Variants in KDR observed in about 807,000 individuals in gnomAD.
KDR encodes vascular endothelial growth factor receptor 2.
In KDR, 43 loss-of-function variants were observed where a neutral mutation model predicts 160.9. That is an observed-to-expected ratio of 0.27 (90% confidence interval 0.21 to 0.34). The LOEUF is 0.34. KDR is among the 10% of genes least tolerant of loss of function. The probability of loss-of-function intolerance (pLI) is 1.00; values close to 1 mark genes in which losing one functional copy is unlikely to be tolerated. For missense variants in KDR, 1,469 were observed against 1,666.4 expected (o/e 0.88, Z 2.06); for synonymous variants, 617 against 600.1 (o/e 1.03, Z -0.41).
At chr4:55,123,177 G>C (rs1465571793) in intron 1 of KDR, among the ~76,000 whole-genome samples, 1 of 152,106 alleles carries the variant, frequency 6.6e-6, no homozygotes, top group Non-Finnish European at 1.5e-5. Context: ...CTTTGTCTAA[G>C]AAAAGGAAAA....
chr4:55,098,894 C>A, intron 15 of KDR, 91 bp from the exon 16 acceptor site: 1 of 899,994 alleles, frequency 1.1e-6, no homozygotes, highest in Non-Finnish European at 1.8e-6. Context: ...AGCAAAATCC[C>A]AAGCTTACCA....
chr4:55,113,908 A>G (rs943339072), intron 6 of KDR, among the ~76,000 whole-genome samples: 9 of 152,232 alleles, frequency 5.9e-5, no homozygotes, highest in African/African-American at 2.2e-4. Flanking sequence ...GCAGAATAGG[A>G]CAAAATTCCT....
Position 55,098,757 on chromosome 4 carries a change from C to A in KDR, c.2313G>T (p.Thr771=), listed in dbSNP as rs376263503. ...GCCAGAAGAACATGGCAATCACCGC[C>A]GTGCCTACTAGAATAATGATTTCCA... ...TNLEIIILVG[T]AVIAMFFWLL... is the part of the protein sequence containing the mutation. Residue 771 remains threonine (T), a synonymous_variant, in exon 16 of 30, where the codon ACG becomes ACT. Coordinates refer to ENST00000263923, the MANE Select transcript of KDR (RefSeq NM_002253.4). 6 of 1,613,210 alleles carry A rather than the reference C, an allele frequency of 3.7e-6. No homozygotes were observed. Among genetic ancestry groups the A allele is most frequent in the African/African-American group, 1.3e-5 (1 of 74,838 alleles).
Position 55,113,439 on chromosome 4 carries a change from A to T in KDR, c.841T>A (p.Ser281Thr), listed in dbSNP as rs1720647939. 6.2e-7 allele frequency: 1 copy of T among 1,613,830 alleles called. No homozygotes were observed. The change falls in exon 7 of 30, where the codon TCT becomes ACT. Residue 281 changes from serine (S) to threonine (T), a missense_variant. Physicochemically the swap from Ser to Thr is moderately conservative, Grantham distance 58 (BLOSUM62 1). Coordinates refer to ENST00000263923, the MANE Select transcript of KDR (RefSeq NM_002253.4). ...AAAAATTTCTTCATCTCACTCCCAG[A>T]CTGGGTTTTTAGGTCTCGGTTTACA... is the stretch of plus-strand genomic sequence containing the variant. ...KLVNRDLKTQ[S>T]GSEMKKFLST...
chr4:55,115,507 G>C (rs962790799), intron 3 of KDR, 96 bp from the exon 4 acceptor site: 1 of 712,024 alleles, frequency 1.4e-6, no homozygotes, highest in African/African-American at 1.8e-5. Context: ...ACAAGTGAAT[G>C]ACTGGAAGGG....
Position 55,081,951 on chromosome 4 carries a change from C to T in KDR, c.3848+5G>A, listed in dbSNP as rs748929903. On this transcript the variant is annotated splice_donor_5th_base_variant and intron_variant, in intron 29 of 29. Transcript: ENST00000263923. ...ATTTGTCTTTTTAATATGGCTGAGT[C>T]TTACCCAAAAGATGGAGATAATTTG... The T allele has an allele frequency of 1.2e-6, 2 of 1,603,338 alleles. No homozygotes were observed. The highest frequency in any genetic ancestry group is 1.7e-6 in the Non-Finnish European group (2 of 1,170,204).
rs143264041 is a variant in KDR at position 55,102,046 on chromosome 4, C to T, written c.2135-18G>A. The T allele has an allele frequency of 7.1e-5, 115 of 1,613,330 alleles. 1 individual carries two copies. The East Asian group carries it at 1.0e-3, about 15-fold the overall frequency. ...TACAATGCCTAACAGAGGAAGAAAACGATCATTCTCATTTATGATGATGTA... is the reference window on the plus strand; with the variant it reads ...TACAATGCCTAACAGAGGAAGAAAATGATCATTCTCATTTATGATGATGTA... On this transcript the variant is annotated intron_variant, in intron 14 of 29. Coordinates refer to ENST00000263923, the MANE Select transcript of KDR (RefSeq NM_002253.4).
intron 18 of KDR, 83 bp downstream of exon 18, chr4:55,097,579 C>CA: frequency 1.1e-6 from 1 of 932,644 alleles, no homozygotes; most frequent in East Asian, 2.4e-5. Flanking sequence ...CACATAAGCA[C>CA]AAAGCTACTG....
At chr4:55,102,771 T>C (rs1720346786) in intron 13 of KDR, among the ~76,000 whole-genome samples, 1 of 152,158 alleles carries the variant, frequency 6.6e-6, no homozygotes, top group Non-Finnish European at 1.5e-5. Context: ...GGGTCACCTT[T>C]ATGGATTTTT....
intron 7 of KDR, among the ~76,000 whole-genome samples, chr4:55,112,240 C>T (rs1021857266): frequency 2.0e-5 from 3 of 152,068 alleles, no homozygotes; most frequent in Admixed American, 6.6e-5. Flanking sequence ...ACAGCAAAAC[C>T]ACCCCCTCCT....
intron 26 of KDR, among the ~76,000 whole-genome samples, chr4:55,088,466 G>A (rs1015669996): frequency 3.3e-5 from 5 of 152,162 alleles, no homozygotes; most frequent in Admixed American, 6.5e-5. Flanking sequence ...AAGAACCTGG[G>A]ATGATACCAA....
At chr4:55,087,881 T>C (rs7682740) in intron 26 of KDR, 123 bp from the exon 27 acceptor site, 100 of 877,860 alleles carry the variant, frequency 1.1e-4, no homozygotes, top group East Asian at 2.7e-4. Flanking sequence ...TATCTGAACA[T>C]AGAACTTTAA....
In KDR at chr4:55,080,002, C is replaced by G; in HGVS notation, c.4010G>C (p.Gly1337Ala). The part of the protein sequence containing the change: ...LKLIEIGVQT[G>A]STAQILQPDS... ...AGGCTGGAGAATCTGGGCTGTGCTA[C>G]CGGTTTGCACTCCAATCTCTATCAG... The change falls in exon 30 of 30, where the codon GGT becomes GCT. Residue 1337 changes from glycine to alanine, a missense_variant. Gly to Ala is a moderately conservative substitution (Grantham distance 60). Around this residue, in one of 7 missense-constraint regions of KDR, gnomAD observed 229 missense variants for 197.8 expected, o/e 1.16. Coordinates refer to ENST00000263923, the MANE Select transcript of KDR (RefSeq NM_002253.4). 6.2e-7 allele frequency: 1 copy of G among 1,614,160 alleles called. No homozygotes were observed.
intron 4 of KDR, 53 bp from the exon 5 acceptor site, chr4:55,115,095 C>T (rs1057317670): frequency 2.1e-6 from 3 of 1,458,040 alleles, no homozygotes; most frequent in Non-Finnish European, 2.9e-6. Context: ...AAAATGAGAG[C>T]CATGTACAAT....
rs573843909 is a variant in KDR, at chr4:55,105,093, T to C, written c.1646-109A>G. On this transcript the variant is annotated intron_variant, in intron 12 of 29. Coordinates refer to ENST00000263923, the MANE Select transcript of KDR (RefSeq NM_002253.4). ...AAGTACCAAAAGAAATGAAGCTCTA[T>C]CCGTTCCAGGTGATGTACTACAACT... 4.4e-6 allele frequency: 4 copies of C among 907,248 alleles called. No individual in the cohort carries two copies. The African/African-American group carries it at 4.9e-5, about 11-fold the overall frequency. The allele number at this position is 907,248 out of a possible 1,614,324, so 56.2% of individuals were successfully genotyped here.
At chr4:55,083,684 C>T (rs910543295) in intron 27 of KDR, among the ~76,000 whole-genome samples, 1 of 152,080 alleles carries the variant, frequency 6.6e-6, no homozygotes, top group Admixed American at 6.6e-5. Context: ...ATTCTTCATT[C>T]CTATACCAGC....
At position 55,104,670 on chromosome 4, in the gene KDR, A is replaced by C. The variant is rs1423139233; in HGVS notation, c.1960T>G (p.Cys654Gly). ...AQDRKTKKRH[C>G]VVRQLTVLER... Reference sequence around the variant, plus strand: ...AGGACTGTGAGCTGCCTGACCACGCAATGTCTTTTCTTGGTCTTCCTGTCT... The same window carrying C: ...AGGACTGTGAGCTGCCTGACCACGCCATGTCTTTTCTTGGTCTTCCTGTCT... The change falls in exon 13 of 30, where the codon TGC (cysteine) becomes GGC (glycine). Residue 654 changes from cysteine (C) to glycine (G), a missense_variant. By Grantham distance (159) the Cys-to-Gly change is radical. Transcript: ENST00000263923. The C allele has an allele frequency of 1.2e-6, 2 of 1,613,730 alleles. No individual in the cohort carries two copies. Among genetic ancestry groups the C allele is most frequent in the South Asian group, 2.2e-5 (2 of 91,062 alleles).
chr4:55,082,652 A>C lies in KDR; in HGVS notation c.3663-17T>G, dbSNP rs948272810. The C allele has an allele frequency of 1.2e-6, 2 of 1,600,046 alleles. No individual in the cohort carries two copies. Among genetic ancestry groups the C allele is most frequent in the South Asian group, 2.2e-5 (2 of 90,776 alleles). On this transcript the variant is annotated splice_polypyrimidine_tract_variant and intron_variant, in intron 27 of 29. Coordinates refer to ENST00000263923, the MANE Select transcript of KDR (RefSeq NM_002253.4). ...AGATACTGACTGCAAAAGAACAAATATTTATATTTTAGTGGTGGTATATTT... is the reference window on the plus strand; with the variant it reads ...AGATACTGACTGCAAAAGAACAAATCTTTATATTTTAGTGGTGGTATATTT...
intron 3 of KDR, among the ~76,000 whole-genome samples, 192 bp from the exon 4 acceptor site, chr4:55,115,603 T>TGC (rs1720716150): frequency 6.6e-6 from 1 of 152,026 alleles, no homozygotes; most frequent in African/African-American, 2.4e-5. Flanking sequence ...TGTGTGTGTG[T>TGC]GTGTTTGTGC....
Sources: allele counts gnomAD v4.1 joint callset (sites outside exome capture counted in the v4.1 genomes callset), GRCh38; gene constraint gnomAD v4.1.1; regional missense constraint gnomAD v4.1.1; transcripts MANE v1.5; gene names NCBI Gene and HGNC (gene_info 2026-07-23, HGNC 2026-07-21).